The following DNAJC13 variants were observed in gnomAD, a reference collection of about 807,000 sequenced individuals.
The protein encoded by DNAJC13 is DnaJ heat shock protein family (Hsp40) member C13, also known as dnaJ homolog subfamily C member 13.
A neutral mutation model predicts 290.5 loss-of-function variants in DNAJC13; 75 were observed. The observed-to-expected ratio is 0.26, with a 90% CI of 0.21 to 0.31. The LOEUF (loss-of-function observed/expected upper bound fraction) is 0.31, where lower values mean the gene tolerates loss of function less well. Among genes scored for constraint, DNAJC13 ranks in the 10% least tolerant of loss-of-function variants. DNAJC13 has a pLI of 1.00. For synonymous variants in DNAJC13, 862 were observed against 892.0 expected, an observed-to-expected ratio of 0.97 and a Z score of 0.60; for missense variants, 2,260 against 2,674.5, an observed-to-expected ratio of 0.85 and a Z score of 3.42.
At chr3:132,505,021 G>C (rs1395442947) in intron 41 of DNAJC13, among the ~76,000 whole-genome samples, 1 of 152,276 alleles carries the variant, frequency 6.6e-6, no homozygotes, top group East Asian at 1.9e-4. Context: ...AGCAGATTTT[G>C]AGAATGTTGA....
chr3:132,422,743 A>G lies in DNAJC13; in HGVS notation c.-14+4983A>G, dbSNP rs140251251. ...TAGGTGTGGTTCAGTCAATAAAACC[A>G]TATAGCTTGCTAGTAATTCTTTTCA... is the stretch of plus-strand genomic sequence containing the variant. On this transcript the variant is annotated intron_variant, in intron 1 of 55. Transcript: ENST00000260818. 2.0e-5 allele frequency among the ~76,000 whole-genome samples: 3 copies of G among 152,344 alleles called. No individual in the cohort carries two copies. In the East Asian group the frequency reaches 5.8e-4, roughly 29 times the overall value.
At chr3:132,458,980 C>T (rs917481321) in intron 13 of DNAJC13, among the ~76,000 whole-genome samples, 19 of 152,026 alleles carry the variant, frequency 1.2e-4, no homozygotes, top group Non-Finnish European at 2.5e-4. Flanking sequence ...AATTTTTATC[C>T]TTAACAGGCC....
At chr3:132,480,606 A>T in intron 26 of DNAJC13, 136 bp downstream of exon 26, 1 of 600,492 alleles carries the variant, frequency 1.7e-6, no homozygotes, top group South Asian at 2.3e-5. Flanking sequence ...TAGTTCTGAG[A>T]TTTCACACAG....
At chr3:132,442,610 A>C (rs1933108021) in intron 2 of DNAJC13, among the ~76,000 whole-genome samples, 1 of 152,164 alleles carries the variant, frequency 6.6e-6, no homozygotes. Context: ...CAGATAAAGC[A>C]GTCGCCTCAA....
intron 50 of DNAJC13, 38 bp from the exon 51 acceptor site, chr3:132,523,502 A>T (rs1476408820): frequency 1.3e-6 from 2 of 1,593,382 alleles, no homozygotes; most frequent in East Asian, 4.5e-5. Context: ...CTTCAAGATT[A>T]TTAAGTGACT....
chr3:132,439,632 ATGT>A (rs965788109), intron 2 of DNAJC13, among the ~76,000 whole-genome samples: 1 of 152,208 alleles, frequency 6.6e-6, no homozygotes, highest in Non-Finnish European at 1.5e-5. Flanking sequence ...TTTTCACAAA[ATGT>A]TGTGTTGAAA....
intron 37 of DNAJC13, 106 bp from the exon 38 acceptor site, chr3:132,499,628 C>G (rs1935348510): frequency 1.0e-6 from 1 of 968,548 alleles, no homozygotes; most frequent in Non-Finnish European, 1.6e-6. Context: ...ATTTATGTAT[C>G]AAATATTTAA....
chr3:132,513,311 T>A (rs1935833371), intron 45 of DNAJC13, among the ~76,000 whole-genome samples: 1 of 152,184 alleles, frequency 6.6e-6, no homozygotes, highest in Non-Finnish European at 1.5e-5. Flanking sequence ...TCTAAGTGGT[T>A]CTCTTTCTGT....
chr3:132,495,061 T>C, intron 34 of DNAJC13, 27 bp from the exon 35 acceptor site: 3 of 1,565,248 alleles, frequency 1.9e-6, no homozygotes, highest in South Asian at 1.1e-5. Flanking sequence ...CTTACTATAC[T>C]CATAAAACAA....
At position 132,477,889 on chromosome 3, in the gene DNAJC13, G is replaced by A; in HGVS notation, c.2546G>A (p.Arg849Lys). 1 of 1,612,380 alleles carries A rather than the reference G, an allele frequency of 6.2e-7. No homozygotes were observed. Among genetic ancestry groups the A allele is most frequent in the Non-Finnish European group, 8.5e-7 (1 of 1,179,156 alleles). The part of the protein sequence containing the change: ...DENEESGSIK[R>K]SYEFFNELYH... ...AATGAAGAAAGTGGATCAATTAAGA[G>A]ATCGTGAGCTACTCTGTATATCCTG... The change falls in exon 23 of 56, where the codon AGA (arginine) becomes AAA (lysine). Residue 849 changes from arginine to lysine, a missense_variant. Physicochemically the swap from Arg to Lys is conservative, Grantham distance 26. Around this residue, in one of 3 missense-constraint regions of DNAJC13, gnomAD observed 1,494 missense variants for 1,693.7 expected, o/e 0.88. Transcript: ENST00000260818.
chr3:132,496,712 C>G (rs2107713869), intron 36 of DNAJC13, 49 bp downstream of exon 36: 1 of 1,530,378 alleles, frequency 6.5e-7, no homozygotes, highest in East Asian at 2.3e-5. Flanking sequence ...CTAACCTTAT[C>G]ACAGCTAACC....
Position 132,518,219 on chromosome 3 carries a change from G to A in DNAJC13, c.5673+1403G>A, listed in dbSNP as rs1277608487. On this transcript the variant is annotated intron_variant, in intron 48 of 55. Coordinates refer to ENST00000260818, the MANE Select transcript of DNAJC13 (RefSeq NM_015268.4). ...GTACTGGAATTGACTGAGCTCTTTGGTTATATTTCTGACCTTTGAAATACG... is the reference window on the plus strand; with the variant it reads ...GTACTGGAATTGACTGAGCTCTTTGATTATATTTCTGACCTTTGAAATACG... 2.0e-5 allele frequency among the ~76,000 whole-genome samples: 3 copies of A among 152,166 alleles called. No homozygotes were observed. The East Asian group carries it at 5.8e-4, about 29-fold the overall frequency.
Position 132,505,408 on chromosome 3 carries a change from T to C in DNAJC13, c.4991T>C (p.Ile1664Thr). The C allele has an allele frequency of 6.3e-7, 1 of 1,577,030 alleles. No individual in the cohort carries two copies. The highest frequency in any genetic ancestry group is 8.7e-7 in the Non-Finnish European group (1 of 1,150,184). The change falls in exon 42 of 56, where the codon ATT becomes ACT. Residue 1664 changes from isoleucine (I) to threonine (T), a missense_variant. By Grantham distance (89) the Ile-to-Thr change is moderately conservative. This residue lies in a region of DNAJC13 where 1,494 missense variants were observed against 1,693.7 expected (regional missense o/e 0.88). Transcript: ENST00000260818. ...EFLESQQENM[I>T]KKGDCDKTYG... is the part of the protein sequence containing the mutation. ...CTTGAATCCCAACAAGAAAACATGA[T>C]TAAAAAAGTATGTTATTGTTTTATA... is the stretch of plus-strand genomic sequence containing the variant.
chr3:132,419,653 T>C (rs954320636), intron 1 of DNAJC13, among the ~76,000 whole-genome samples: 4 of 152,232 alleles, frequency 2.6e-5, no homozygotes, highest in Admixed American at 6.5e-5. Flanking sequence ...CTGCTACACA[T>C]ACCTTTCCCC....
intron 6 of DNAJC13, among the ~76,000 whole-genome samples, chr3:132,451,718 A>G (rs1933420922): frequency 6.6e-6 from 1 of 152,204 alleles, no homozygotes; most frequent in Non-Finnish European, 1.5e-5. Context: ...TGTTTTGTAG[A>G]TAAAATATCG....
chr3:132,480,126 T>C (rs2107694563), intron 25 of DNAJC13, among the ~76,000 whole-genome samples: 1 of 152,326 alleles, frequency 6.6e-6, no homozygotes, highest in African/African-American at 2.4e-5. Context: ...AAGTAAAAAT[T>C]CTTAAGTGAT....
chr3:132,483,275 T>C (rs1304303998), intron 27 of DNAJC13, 100 bp from the exon 28 acceptor site: 1 of 1,083,902 alleles, frequency 9.2e-7, no homozygotes, highest in African/African-American at 1.6e-5. Context: ...ACTTACATGT[T>C]TGTTTCATAA....
chr3:132,536,221 G>A (rs75006452), intron 55 of DNAJC13, among the ~76,000 whole-genome samples: 2,751 of 152,280 alleles, frequency 0.018, 98 homozygotes, highest in African/African-American at 0.063. Context: ...AAAATACCCA[G>A]CAGTTAGCTG....
At chr3:132,470,775 G>A (rs1383769651) in intron 20 of DNAJC13, among the ~76,000 whole-genome samples, 56 of 92,680 alleles carry the variant, frequency 6.0e-4, no homozygotes, top group Non-Finnish European at 8.4e-4. Context: ...CAGACGGGGC[G>A]GCTGGCCGGG....
Sources: gnomAD v4.1 joint callset for allele counts (sites outside exome capture counted in the v4.1 genomes callset) on GRCh38, gnomAD v4.1.1 for gene constraint, gnomAD v4.1.1 regional missense constraint, MANE v1.5 for transcripts, NCBI Gene and HGNC (gene_info 2026-07-23, HGNC 2026-07-21) for gene names.